ACTR6: variants seen among roughly 807,000 people sequenced by gnomAD.
ACTR6 encodes the protein actin related protein 6.
In ACTR6, 50 loss-of-function variants were observed where a neutral mutation model predicts 52.5. That is an observed-to-expected ratio of 0.95 (90% CI 0.76 to 1.20). The LOEUF is 1.20. ACTR6 is among the 50% of genes most tolerant of loss of function. The pLI is 0.00. For synonymous variants in ACTR6, 135 were observed against 147.2 expected (o/e 0.92, Z 0.60); for missense variants, 344 against 472.4 (o/e 0.73, Z 2.52).
intron 4 of ACTR6, 133 bp from the exon 5 acceptor site, chr12:100,209,940 G>C: frequency 1.5e-6 from 1 of 658,554 alleles, no homozygotes; most frequent in South Asian, 2.2e-5. Flanking sequence ...GTTATGAATA[G>C]TATTATAAAT....
chr12:100,223,340 C>CA lies in ACTR6; in HGVS notation c.1062-435dup, dbSNP rs1287386473. ...TGGGCGATAGAGTGAGACTCCGTCT[C>CA]AAAAAAAAAAAGAAAGAAAGTGGGA... On this transcript the variant is annotated intron_variant, in intron 10 of 10. Coordinates refer to ENST00000188312, the MANE Select transcript of ACTR6 (RefSeq NM_022496.5). Among the ~76,000 whole-genome samples, 861 of 136,452 alleles carry CA rather than the reference C, an allele frequency of 6.3e-3. 1 individual carries two copies. The highest frequency in any genetic ancestry group is 0.011 in the Middle Eastern group (3 of 262). The allele number at this position is 136,452 out of a possible 152,430, so 89.5% of individuals were successfully genotyped here. A position where few individuals can be genotyped will look rare whatever the true frequency, so the allele number is the denominator to read the frequency against.
intron 10 of ACTR6, 117 bp downstream of exon 10, chr12:100,220,263 A>C: frequency 3.1e-6 from 3 of 970,086 alleles, no homozygotes; most frequent in Non-Finnish European, 4.6e-6. Flanking sequence ...TCACCTGCTG[A>C]ATATTCATTT....
At position 100,220,124 on chromosome 12, in the gene ACTR6, G is replaced by A; in HGVS notation, c.1039G>A (p.Val347Ile). The A allele has an allele frequency of 6.2e-7, 1 of 1,613,242 alleles. No homozygotes were observed. The highest frequency in any genetic ancestry group is 8.5e-7 in the Non-Finnish European group (1 of 1,179,518). ...VRCLTPTDYD[V>I]SVVLPENPIT... ...ATGTCTTACTCCAACAGATTATGAT[G>A]TTTCTGTTGTGCTGCCTGAAAAGTA... Residue 347 changes from valine (V) to isoleucine (I), a missense_variant, in exon 10 of 11, where the codon GTT becomes ATT. By Grantham distance (29) the Val-to-Ile change is conservative. Coordinates refer to ENST00000188312, the MANE Select transcript of ACTR6 (RefSeq NM_022496.5).
At chr12:100,211,332 G>A (rs1273427014) in intron 6 of ACTR6, among the ~76,000 whole-genome samples, 1 of 152,166 alleles carries the variant, frequency 6.6e-6, no homozygotes, top group African/African-American at 2.4e-5. Context: ...GAGTGCAGTG[G>A]TTTGTTCATT....
chr12:100,222,008 G>T (rs1566299006), intron 10 of ACTR6, among the ~76,000 whole-genome samples: 1 of 151,532 alleles, frequency 6.6e-6, no homozygotes, highest in Non-Finnish European at 1.5e-5. Flanking sequence ...AGGCTGTAGT[G>T]CAGTGGCGCA....
In ACTR6 at chr12:100,207,720, A is replaced by C. The variant is rs2096116059; in HGVS notation, c.313A>C (p.Ile105Leu). Reference sequence around the variant, plus strand: ...TGAACCATACTTTAACTTCACTTCAATTCAAGAATCAATGAATGAAATTCT... The same window carrying C: ...TGAACCATACTTTAACTTCACTTCACTTCAAGAATCAATGAATGAAATTCT... ...ITEPYFNFTS[I>L]QESMNEILFE... Residue 105 changes from isoleucine (I) to leucine (L), a missense_variant, in exon 4 of 11, where the codon ATT (isoleucine) becomes CTT (leucine). Coordinates refer to ENST00000188312, the MANE Select transcript of ACTR6 (RefSeq NM_022496.5). 1 of 1,592,392 alleles carries C rather than the reference A, an allele frequency of 6.3e-7. No homozygotes were observed. The highest frequency in any genetic ancestry group is 8.6e-7 in the Non-Finnish European group (1 of 1,163,634).
intron 10 of ACTR6, among the ~76,000 whole-genome samples, chr12:100,221,013 CAAAAAAAAA>C (rs371896409): frequency 7.9e-4 from 80 of 100,768 alleles, no homozygotes; most frequent in African/African-American, 2.3e-3. Flanking sequence ...ACCCCCCTGG[CAAAAAAAAA>C]AAAACAAAAA....
At chr12:100,212,563 C>A in intron 8 of ACTR6, 35 bp downstream of exon 8, 1 of 1,507,350 alleles carries the variant, frequency 6.6e-7, no homozygotes, top group Non-Finnish European at 9.2e-7. Flanking sequence ...TTGGTTGCTG[C>A]GGCTCCTGTC....
chr12:100,222,313 A>G (rs1006356338), intron 10 of ACTR6, among the ~76,000 whole-genome samples: 2 of 142,574 alleles, frequency 1.4e-5, no homozygotes, highest in South Asian at 2.2e-4. Flanking sequence ...GCTGGAGTGC[A>G]GTGGTATGAT....
chr12:100,223,964 TCCTTTTAAAAG>T lies in ACTR6; in HGVS notation c.*50_*60del, dbSNP rs775377302. 1.1e-5 allele frequency: 18 copies of T among 1,570,060 alleles called. No individual in the cohort carries two copies. The highest frequency in any genetic ancestry group is 1.5e-5 in the Non-Finnish European group (17 of 1,165,378). On this transcript the variant is annotated 3_prime_UTR_variant, in exon 11 of 11. Transcript: ENST00000188312. ...TGACCATAAGGTTTAATTTCAAAGT[TCCTTTTAAAAG>T]AGGTTAAGGAACTGTGTTACCTTTT...
rs2096125244 is a variant in ACTR6 at position 100,218,085 on chromosome 12, C to A, written c.751-330C>A. ...GAACTCCCGGGCTCAAGTGATCCAT[C>A]CGCCTTGACCTCCCAAAGTGCTGGG... On this transcript the variant is annotated intron_variant, in intron 8 of 10. Coordinates refer to ENST00000188312, the MANE Select transcript of ACTR6 (RefSeq NM_022496.5). The surrounding 1 kb of genome is among the most constrained non-coding windows in gnomAD (Gnocchi z 4.2). 6.6e-6 allele frequency among the ~76,000 whole-genome samples: 1 copy of A among 152,092 alleles called. No homozygotes were observed. Among genetic ancestry groups the A allele is most frequent in the Non-Finnish European group, 1.5e-5 (1 of 68,016 alleles).
At chr12:100,212,593 G>C (rs1010175357) in intron 8 of ACTR6, 65 bp downstream of exon 8, 3 of 1,266,666 alleles carry the variant, frequency 2.4e-6, no homozygotes, top group Admixed American at 1.7e-5. Context: ...AGCACTTGGG[G>C]AGGCTAAGAT....
At chr12:100,223,431 T>A (rs1035394379) in intron 10 of ACTR6, among the ~76,000 whole-genome samples, 2 of 152,222 alleles carry the variant, frequency 1.3e-5, no homozygotes, top group African/African-American at 4.8e-5. Context: ...ACATACAGAA[T>A]TTAGACTCAG....
At chr12:100,212,212 T>C in intron 6 of ACTR6, 44 bp from the exon 7 acceptor site, 1 of 1,330,250 alleles carries the variant, frequency 7.5e-7, no homozygotes, top group Non-Finnish European at 1.0e-6. Context: ...ATAAATTATG[T>C]TTAATTGTTT....
Position 100,207,790 on chromosome 12 carries a change from A to T in ACTR6, c.379+4A>T, listed in dbSNP as rs1426515494. Reference sequence around the variant, plus strand: ...CAAGCAGTATTAAGAGTAAATGGTGAGTTCAAGTTTTCACTGAAATTGAGT... The same window carrying T: ...CAAGCAGTATTAAGAGTAAATGGTGTGTTCAAGTTTTCACTGAAATTGAGT... On this transcript the variant is annotated splice_donor_region_variant and intron_variant, in intron 4 of 10. Coordinates refer to ENST00000188312, the MANE Select transcript of ACTR6 (RefSeq NM_022496.5). The T allele has an allele frequency of 6.3e-7, 1 of 1,593,280 alleles. No individual in the cohort carries two copies. The highest frequency in any genetic ancestry group is 1.7e-5 in the Admixed American group (1 of 59,130).
At chr12:100,220,591 A>T (rs1210492679) in intron 10 of ACTR6, among the ~76,000 whole-genome samples, 10 of 152,206 alleles carry the variant, frequency 6.6e-5, no homozygotes, top group Non-Finnish European at 8.8e-5. Context: ...TCTCCTTTAA[A>T]TGACTTTTAT....
At chr12:100,220,260 C>T in intron 10 of ACTR6, 114 bp downstream of exon 10, 1 of 982,654 alleles carries the variant, frequency 1.0e-6, no homozygotes, top group South Asian at 1.7e-5. Context: ...ATTTCACCTG[C>T]TGAATATTCA....
chr12:100,224,362 T>C lies in ACTR6; in HGVS notation c.*447T>C, dbSNP rs2096130590. 6.5e-6 allele frequency: 1 copy of C among 153,152 alleles called. No individual in the cohort carries two copies. The highest frequency in any genetic ancestry group is 1.5e-5 in the Non-Finnish European group (1 of 68,804). The allele number at this position is 153,152 out of a possible 1,614,324, so 9.5% of individuals were successfully genotyped here. A position where few individuals can be genotyped will look rare whatever the true frequency, so the allele number is the denominator to read the frequency against. On this transcript the variant is annotated 3_prime_UTR_variant, in exon 11 of 11. Coordinates refer to ENST00000188312, the MANE Select transcript of ACTR6 (RefSeq NM_022496.5). ...TGATCTTATATGTGTATAATGTTTATTTTGTACCTAGAGTACATTTAAAAG... is the reference window on the plus strand; with the variant it reads ...TGATCTTATATGTGTATAATGTTTACTTTGTACCTAGAGTACATTTAAAAG...
intron 1 of ACTR6, among the ~76,000 whole-genome samples, chr12:100,204,645 G>C (rs904062832): frequency 6.6e-6 from 1 of 152,002 alleles, no homozygotes; most frequent in African/African-American, 2.4e-5. Flanking sequence ...GATTACAGGC[G>C]TGAGCCACCA....
Sources: gnomAD v4.1 joint callset for allele counts (sites outside exome capture counted in the v4.1 genomes callset) on GRCh38, gnomAD v4.1.1 for gene constraint, Gnocchi (gnomAD v3.1) non-coding constraint, MANE v1.5 for transcripts, NCBI Gene and HGNC (gene_info 2026-07-23, HGNC 2026-07-21) for gene names.